PCDHA3: variants seen among roughly 807,000 people sequenced by gnomAD.
PCDHA3 encodes the protein protocadherin alpha 3, also known as protocadherin alpha-3.
PCDHA3 carries 41 observed loss-of-function variants against 62.2 expected under a neutral mutation model. The observed-to-expected ratio is 0.66, with a 90% CI of 0.51 to 0.86. PCDHA3 has a LOEUF of 0.86. Ranked by LOEUF, PCDHA3 falls within the 40% of genes least tolerant of loss-of-function variation. PCDHA3 has a pLI of 0.00. For missense variants in PCDHA3, 1,304 were observed against 1,241.2 expected (o/e 1.05, Z -0.76); for synonymous variants, 640 against 555.4 (o/e 1.15, Z -2.14).
intron 1 of PCDHA3, among the ~76,000 whole-genome samples, chr5:140,951,812 A>G (rs2094639418): frequency 1.3e-5 from 2 of 152,152 alleles, no homozygotes; most frequent in Admixed American, 1.3e-4. Context: ...ATGGTCCCTC[A>G]AAGTCTGAAC....
chr5:140,994,962 T>C (rs2097657475), intron 3 of PCDHA3, among the ~76,000 whole-genome samples: 2 of 152,208 alleles, frequency 1.3e-5, no homozygotes, highest in Admixed American at 1.3e-4. Flanking sequence ...TGTAGTTTCA[T>C]TTGTTGGCCA....
chr5:140,984,656 G>A (rs1465387950), intron 3 of PCDHA3, among the ~76,000 whole-genome samples: 2 of 152,082 alleles, frequency 1.3e-5, no homozygotes, highest in Non-Finnish European at 2.9e-5. Context: ...TGTCCTTCTG[G>A]TACTTTTAGG....
Position 140,916,718 on chromosome 5 carries a change from G to C in PCDHA3, c.2395-62231G>C, listed in dbSNP as rs115136945. Among the ~76,000 whole-genome samples, 1,217 of 152,304 alleles carry C rather than the reference G, an allele frequency of 8.0e-3. 6 individuals are homozygous for C. Among genetic ancestry groups the C allele is most frequent in the African/African-American group, 0.019 (785 of 41,570 alleles). On this transcript the variant is annotated intron_variant, in intron 1 of 3. Coordinates refer to ENST00000522353, the MANE Select transcript of PCDHA3 (RefSeq NM_018906.3). ...CTCTCCTTAAGCAGAAGGAAGGAGTGACTTTTGTTGCTGCAAGCTTCACTG... is the reference window on the plus strand; with the variant it reads ...CTCTCCTTAAGCAGAAGGAAGGAGTCACTTTTGTTGCTGCAAGCTTCACTG...
At chr5:140,876,473 G>C in intron 1 of PCDHA3, 7 of 1,614,038 alleles carry the variant, frequency 4.3e-6, no homozygotes, top group African/African-American at 2.7e-5. Flanking sequence ...GCAGGTCACA[G>C]CATGGTCCTG....
intron 1 of PCDHA3, among the ~76,000 whole-genome samples, chr5:140,902,916 A>G (rs940228069): frequency 2.0e-5 from 3 of 152,174 alleles, no homozygotes; most frequent in African/African-American, 4.8e-5. Context: ...GCTGAGTAGT[A>G]TTGCATGGTG....
chr5:140,968,652 A>G, intron 1 of PCDHA3: 1 of 1,614,118 alleles, frequency 6.2e-7, no homozygotes, highest in Non-Finnish European at 8.5e-7. Context: ...CAGACTTCTG[A>G]CCTGGACCTC....
At chr5:141,007,749 T>C (rs2098343750) in intron 3 of PCDHA3, among the ~76,000 whole-genome samples, 2 of 152,334 alleles carry the variant, frequency 1.3e-5, no homozygotes, top group South Asian at 4.1e-4. Flanking sequence ...AAGATAACTT[T>C]GGACTCTTAT....
chr5:140,809,161 G>C (rs782214418), intron 1 of PCDHA3: 1 of 1,613,954 alleles, frequency 6.2e-7, no homozygotes. Flanking sequence ...GCGAGCCCGC[G>C]CTGACGGCCA....
intron 1 of PCDHA3, among the ~76,000 whole-genome samples, chr5:140,837,439 T>C (rs1775044466): frequency 6.6e-6 from 1 of 151,980 alleles, no homozygotes; most frequent in African/African-American, 2.4e-5. Flanking sequence ...TGAAATCTAG[T>C]ACGTAGTAAA....
chr5:140,883,740 C>G (rs2059789153), intron 1 of PCDHA3: 1 of 1,613,368 alleles, frequency 6.2e-7, no homozygotes, highest in Non-Finnish European at 8.5e-7. Context: ...GCGCTGGTCT[C>G]CTACTCGCTG....
intron 1 of PCDHA3, chr5:140,878,061 AT>A (rs2057460632): frequency 2.4e-6 from 1 of 424,416 alleles, no homozygotes; most frequent in Non-Finnish European, 3.8e-6. Context: ...CACACTTAAT[AT>A]TTTTCTTTTT....
At chr5:140,946,202 A>T (rs2093901656) in intron 1 of PCDHA3, among the ~76,000 whole-genome samples, 1 of 152,118 alleles carries the variant, frequency 6.6e-6, no homozygotes, top group Non-Finnish European at 1.5e-5. Context: ...AAAAGAAAGC[A>T]CACAAATGAC....
At position 140,802,928 on chromosome 5, in the gene PCDHA3, G is replaced by A. The variant is rs1554122450; in HGVS notation, c.1731G>A (p.Val577=). The change falls in exon 1 of 4, where the codon GTG becomes GTA. Residue 577 remains valine, a synonymous_variant. Coordinates refer to ENST00000522353, the MANE Select transcript of PCDHA3 (RefSeq NM_018906.3). ...MPRVGGIGGA[V]SELVPRSVGA... ...GGGTGGGTGGCATCGGTGGCGCAGTGAGCGAGCTGGTGCCGCGGTCAGTGG... is the reference window on the plus strand; with the variant it reads ...GGGTGGGTGGCATCGGTGGCGCAGTAAGCGAGCTGGTGCCGCGGTCAGTGG... The A allele has an allele frequency of 6.2e-7, 1 of 1,613,704 alleles. No homozygotes were observed. Among genetic ancestry groups the A allele is most frequent in the Admixed American group, 1.7e-5 (1 of 59,990 alleles).
In PCDHA3 at chr5:140,919,817, T is replaced by C. The variant is rs889103078; in HGVS notation, c.2395-59132T>C. Among the ~76,000 whole-genome samples the C allele has an allele frequency of 4.6e-5, 7 of 152,350 alleles. No homozygotes were observed. In the South Asian group the frequency reaches 1.0e-3, roughly 23 times the overall value. On this transcript the variant is annotated intron_variant, in intron 1 of 3. Coordinates refer to ENST00000522353, the MANE Select transcript of PCDHA3 (RefSeq NM_018906.3). ...TGGATTGAATTGTGGGCCTCAAAAA[T>C]ATATGTCCACATAGTAACCTTTGGA...
At chr5:140,927,051 G>C (rs1554203978) in intron 1 of PCDHA3, 1 of 1,611,998 alleles carries the variant, frequency 6.2e-7, no homozygotes, top group Non-Finnish European at 8.5e-7. Flanking sequence ...TGTCCTCGCG[G>C]AACTTTCGCT....
In PCDHA3 at chr5:140,993,462, T is replaced by C. The variant is rs540334246; in HGVS notation, c.2542+10899T>C. ...CATTCCTGTTCTCCTTCTTTCTTTCTCACACACACACACACACACACACAC... is the reference window on the plus strand; with the variant it reads ...CATTCCTGTTCTCCTTCTTTCTTTCCCACACACACACACACACACACACAC... On this transcript the variant is annotated intron_variant, in intron 3 of 3. Transcript: ENST00000522353. Among the ~76,000 whole-genome samples the C allele has an allele frequency of 4.2e-3, 597 of 141,044 alleles. 4 individuals are homozygous for C. Among genetic ancestry groups the C allele is most frequent in the African/African-American group, 0.015 (577 of 37,966 alleles). 92.5% of individuals were successfully genotyped at this position (141,044 alleles called of 152,430 possible).
chr5:140,808,765 G>A (rs1409936636), intron 1 of PCDHA3: 8 of 1,612,208 alleles, frequency 5.0e-6, no homozygotes, highest in Non-Finnish European at 6.8e-6. Flanking sequence ...TGGACCACGA[G>A]GAGCTAGAGC....
chr5:140,832,440 C>T (rs1771990436), intron 1 of PCDHA3, among the ~76,000 whole-genome samples: 1 of 152,038 alleles, frequency 6.6e-6, no homozygotes, highest in Non-Finnish European at 1.5e-5. Context: ...AATTTTTAAG[C>T]GTGTAATTAA....
intron 1 of PCDHA3, chr5:140,821,955 G>A (rs1562261754): frequency 1.2e-6 from 2 of 1,614,196 alleles, no homozygotes; most frequent in East Asian, 2.2e-5. Context: ...AGCTGGTGCC[G>A]CGCCTGTTCC....
Sources: gnomAD v4.1 joint callset for allele counts (sites outside exome capture counted in the v4.1 genomes callset) on GRCh38, gnomAD v4.1.1 for gene constraint, MANE v1.5 for transcripts, NCBI Gene and HGNC (gene_info 2026-07-23, HGNC 2026-07-21) for gene names.